The following ARHGAP10 variants were observed in gnomAD, a reference collection of about 807,000 sequenced individuals.
The protein encoded by ARHGAP10 is rho GTPase-activating protein 10.
ARHGAP10 carries 87 observed loss-of-function variants against 108.6 expected under a neutral mutation model. That is an observed-to-expected ratio of 0.80 (90% CI 0.67 to 0.96). The LOEUF (loss-of-function observed/expected upper bound fraction) is 0.96. Among genes scored for constraint, ARHGAP10 ranks in the 40% least tolerant of loss-of-function variants. ARHGAP10 has a pLI of 0.00. For missense variants in ARHGAP10, 939 were observed against 954.5 expected, an observed-to-expected ratio of 0.98 and a Z score of 0.21; for synonymous variants, 347 against 341.1, an observed-to-expected ratio of 1.02 and a Z score of -0.19.
At chr4:148,023,111 T>C in intron 18 of ARHGAP10, 152 bp from the exon 19 acceptor site, 1 of 716,026 alleles carries the variant, frequency 1.4e-6, no homozygotes, top group Non-Finnish European at 2.2e-6. Flanking sequence ...TAAAAGGCTA[T>C]GACCTCTTCC....
intron 19 of ARHGAP10, among the ~76,000 whole-genome samples, chr4:148,040,152 T>C (rs1357983623): frequency 6.6e-6 from 1 of 152,156 alleles, no homozygotes; most frequent in Non-Finnish European, 1.5e-5. Flanking sequence ...GCCAGCACAA[T>C]GTTCTTGTCC....
At chr4:147,761,953 G>A (rs1729607341) in intron 1 of ARHGAP10, among the ~76,000 whole-genome samples, 1 of 152,134 alleles carries the variant, frequency 6.6e-6, no homozygotes, top group South Asian at 2.1e-4. Flanking sequence ...TACTTTTCAT[G>A]CTTACACCCA....
chr4:147,913,694 A>G (rs1043212102), intron 13 of ARHGAP10, among the ~76,000 whole-genome samples: 6 of 152,158 alleles, frequency 3.9e-5, no homozygotes, highest in African/African-American at 1.4e-4. Context: ...ACATTCTGAG[A>G]AACTGGTGTT....
intron 1 of ARHGAP10, among the ~76,000 whole-genome samples, chr4:147,747,365 A>G (rs1345494896): frequency 6.6e-6 from 1 of 152,222 alleles, no homozygotes; most frequent in Non-Finnish European, 1.5e-5. Context: ...TCTATTATCT[A>G]AAAATATCTT....
At chr4:147,750,118 C>T (rs185316432) in intron 1 of ARHGAP10, among the ~76,000 whole-genome samples, 180 of 152,096 alleles carry the variant, frequency 1.2e-3, no homozygotes, top group African/African-American at 4.2e-3. Flanking sequence ...TATTTTTTGA[C>T]CTTAAAATTT....
chr4:147,983,640 A>G (rs1739918822), intron 18 of ARHGAP10, among the ~76,000 whole-genome samples: 1 of 151,938 alleles, frequency 6.6e-6, no homozygotes, highest in Non-Finnish European at 1.5e-5. Context: ...TGAATTTTTC[A>G]ATTCTAGAAG....
At chr4:147,872,564 A>G (rs539770483) in intron 7 of ARHGAP10, among the ~76,000 whole-genome samples, 2 of 152,284 alleles carry the variant, frequency 1.3e-5, no homozygotes, top group African/African-American at 4.8e-5. Flanking sequence ...GTAACTTTTG[A>G]CTTCCCCCAA....
Position 147,879,279 on chromosome 4 carries a change from C to G in ARHGAP10, c.880C>G (p.Arg294Gly). The change falls in exon 9 of 23, where the codon CGA (arginine) becomes GGA (glycine). Residue 294 changes from arginine to glycine, a missense_variant. Physicochemically the swap from Arg to Gly is moderately radical, Grantham distance 125 (BLOSUM62 -2). Transcript: ENST00000336498. ...SSWVKHYCMY[R>G]KAAKKFNMIP... ...TTGGGTCAAACACTATTGCATGTATCGAAAAGCAGCAAAGAAGTTCAACAT... is the reference window on the plus strand; with the variant it reads ...TTGGGTCAAACACTATTGCATGTATGGAAAAGCAGCAAAGAAGTTCAACAT... 6.2e-7 allele frequency: 1 copy of G among 1,613,902 alleles called. No homozygotes were observed. Among genetic ancestry groups the G allele is most frequent in the Non-Finnish European group, 8.5e-7 (1 of 1,179,934 alleles).
At chr4:147,827,713 CCA>C (rs1326366036) in intron 3 of ARHGAP10, among the ~76,000 whole-genome samples, 1 of 152,080 alleles carries the variant, frequency 6.6e-6, no homozygotes, top group Non-Finnish European at 1.5e-5. Flanking sequence ...ATGTTAAAAG[CCA>C]CAGATTAAGA....
At chr4:147,929,062 C>G (rs985795128) in intron 13 of ARHGAP10, among the ~76,000 whole-genome samples, 1 of 152,114 alleles carries the variant, frequency 6.6e-6, no homozygotes, top group Non-Finnish European at 1.5e-5. Flanking sequence ...TATTTTGTAA[C>G]CTTAACACAT....
At chr4:147,886,086 A>G (rs909457491) in intron 10 of ARHGAP10, among the ~76,000 whole-genome samples, 2 of 152,194 alleles carry the variant, frequency 1.3e-5, no homozygotes, top group African/African-American at 4.8e-5. Flanking sequence ...GGTATATGAA[A>G]CGTACATGAA....
At chr4:147,776,894 A>G (rs1730317464) in intron 1 of ARHGAP10, among the ~76,000 whole-genome samples, 1 of 152,212 alleles carries the variant, frequency 6.6e-6, no homozygotes, top group Non-Finnish European at 1.5e-5. Context: ...TTAGGACGAT[A>G]GTACTATGGT....
intron 1 of ARHGAP10, among the ~76,000 whole-genome samples, chr4:147,742,544 CA>C (rs1175567021): frequency 8.0e-6 from 1 of 124,550 alleles, no homozygotes; most frequent in African/African-American, 3.0e-5. Context: ...AGTGCAATGG[CA>C]CAATCTCGAC....
At chr4:147,824,309 G>C (rs1306664976) in intron 3 of ARHGAP10, among the ~76,000 whole-genome samples, 1 of 149,682 alleles carries the variant, frequency 6.7e-6, no homozygotes, top group Non-Finnish European at 1.5e-5. Flanking sequence ...GCAACAGAGT[G>C]GGACTCTGTC....
chr4:147,987,163 C>G (rs2149632450), intron 18 of ARHGAP10, among the ~76,000 whole-genome samples: 1 of 152,288 alleles, frequency 6.6e-6, no homozygotes, highest in Admixed American at 6.5e-5. Context: ...GAAAAACTAA[C>G]TTTTCTAAAC....
intron 18 of ARHGAP10, among the ~76,000 whole-genome samples, chr4:148,000,158 G>A (rs1740645648): frequency 6.6e-6 from 1 of 151,912 alleles, no homozygotes; most frequent in Admixed American, 6.6e-5. Flanking sequence ...TCCTGCCTAT[G>A]AGTGAGAACA....
chr4:147,937,934 G>C (rs925351153), intron 13 of ARHGAP10, among the ~76,000 whole-genome samples: 1 of 152,142 alleles, frequency 6.6e-6, no homozygotes, highest in African/African-American at 2.4e-5. Flanking sequence ...AGCCGAGATT[G>C]CTCCATTGTA....
At chr4:147,840,532 G>A (rs763630467) in intron 3 of ARHGAP10, among the ~76,000 whole-genome samples, 7 of 152,142 alleles carry the variant, frequency 4.6e-5, no homozygotes, top group Admixed American at 1.3e-4. Context: ...CTAATCTAAC[G>A]GGGGATGCAG....
In ARHGAP10 at chr4:147,879,818, G is replaced by A. The variant is rs1309260633; in HGVS notation, c.939+480G>A. On this transcript the variant is annotated intron_variant, in intron 9 of 22. Coordinates refer to ENST00000336498, the MANE Select transcript of ARHGAP10 (RefSeq NM_024605.4). ...TTTAACCACTAGATATTTTTTAGGT[G>A]AACAATAGAATCCTTTTTATGCCAC... 2.0e-5 allele frequency among the ~76,000 whole-genome samples: 3 copies of A among 151,950 alleles called. No individual in the cohort carries two copies. In the East Asian group the frequency reaches 5.8e-4, roughly 29 times the overall value.
Sources: allele counts gnomAD v4.1 joint callset (sites outside exome capture counted in the v4.1 genomes callset), GRCh38; gene constraint gnomAD v4.1.1; transcripts MANE v1.5; gene names NCBI Gene and HGNC (gene_info 2026-07-23, HGNC 2026-07-21).